EXOC4: variants seen among roughly 807,000 people sequenced by gnomAD.
EXOC4 encodes exocyst complex component 4.
EXOC4 carries 71 observed loss-of-function variants against 107.2 expected under a neutral mutation model. The ratio of observed to expected loss-of-function variants is 0.66; its 90% CI spans 0.55 to 0.81. The LOEUF is 0.81. Ranked by LOEUF, EXOC4 falls within the 30% of genes least tolerant of loss-of-function variation. The probability of loss-of-function intolerance (pLI) is 0.00; values close to 1 mark genes in which losing one functional copy is unlikely to be tolerated. For synonymous variants in EXOC4, 456 were observed against 441.2 expected (o/e 1.03, Z -0.42); for missense variants, 1,108 against 1,189.6 (o/e 0.93, Z 1.01).
chr7:134,060,230 A>G (rs924665925), intron 17 of EXOC4, among the ~76,000 whole-genome samples: 6 of 152,252 alleles, frequency 3.9e-5, no homozygotes, highest in Non-Finnish European at 8.8e-5. Flanking sequence ...GAACTGCTGC[A>G]AAAAGGCACA....
intron 10 of EXOC4, among the ~76,000 whole-genome samples, chr7:133,788,298 C>G (rs551461192): frequency 2.0e-5 from 3 of 151,914 alleles, no homozygotes; most frequent in South Asian, 4.2e-4. Flanking sequence ...CCTCTCAACT[C>G]TCAGTTCATA....
intron 12 of EXOC4, among the ~76,000 whole-genome samples, chr7:133,899,073 G>T (rs1799390668): frequency 6.7e-6 from 1 of 150,328 alleles, no homozygotes; most frequent in South Asian, 2.1e-4. Flanking sequence ...AATTTATGTT[G>T]AACCTCCATT....
the EXOC4 span, among the ~76,000 whole-genome samples, chr7:134,100,613 G>T: frequency 3.1e-5 from 4 of 130,734 alleles, 1 homozygote; most frequent in East Asian, 8.5e-4. Context: ...GAAGGTTATT[G>T]TGGCCAAGTA....
At chr7:134,005,348 G>A (rs1022227665) in intron 16 of EXOC4, among the ~76,000 whole-genome samples, 1 of 152,274 alleles carries the variant, frequency 6.6e-6, no homozygotes, top group Non-Finnish European at 1.5e-5. Flanking sequence ...CCATTCATGA[G>A]ATTTGAGAGA....
At chr7:133,882,595 T>G (rs1798989139) in intron 11 of EXOC4, among the ~76,000 whole-genome samples, 1 of 152,190 alleles carries the variant, frequency 6.6e-6, no homozygotes, top group Non-Finnish European at 1.5e-5. Flanking sequence ...CAGGAAGACC[T>G]AATCTGGTAC....
intron 10 of EXOC4, among the ~76,000 whole-genome samples, chr7:133,760,409 G>A (rs1403047105): frequency 6.6e-6 from 1 of 152,156 alleles, no homozygotes; most frequent in Non-Finnish European, 1.5e-5. Context: ...CCAACAGAAT[G>A]TCAATTCTTA....
At chr7:133,661,329 G>A (rs1025328901) in intron 10 of EXOC4, among the ~76,000 whole-genome samples, 1 of 152,130 alleles carries the variant, frequency 6.6e-6, no homozygotes, top group Non-Finnish European at 1.5e-5. Flanking sequence ...CTTACTGTGC[G>A]AGGTCATTGA....
intron 7 of EXOC4, among the ~76,000 whole-genome samples, chr7:133,428,121 T>A (rs569547215): frequency 1.3e-5 from 2 of 152,352 alleles, no homozygotes; most frequent in South Asian, 4.1e-4. Flanking sequence ...TGGATCACAC[T>A]TGACAGTGAT....
At position 133,317,277 on chromosome 7, in the gene EXOC4, C is replaced by G. The variant is rs767540275; in HGVS notation, c.657-7C>G. Reference sequence around the variant, plus strand: ...AAGTGGTAACTAGTGCTTCTTTTCCCGTTCAGCTCCCTCGTGAAAGATGCT... The same window carrying G: ...AAGTGGTAACTAGTGCTTCTTTTCCGGTTCAGCTCCCTCGTGAAAGATGCT... On this transcript the variant is annotated splice_region_variant and splice_polypyrimidine_tract_variant and intron_variant, in intron 4 of 17. Coordinates refer to ENST00000253861, the MANE Select transcript of EXOC4 (RefSeq NM_021807.4). 6.2e-7 allele frequency: 1 copy of G among 1,602,330 alleles called. No homozygotes were observed. Among genetic ancestry groups the G allele is most frequent in the Non-Finnish European group, 8.5e-7 (1 of 1,169,832 alleles).
At chr7:133,857,147 CGTATATATATATATATATATATAT>C (rs1183997974) in intron 11 of EXOC4, among the ~76,000 whole-genome samples, 9 of 19,108 alleles carry the variant, frequency 4.7e-4, no homozygotes, top group African/African-American at 1.8e-3. Flanking sequence ...TACACATACA[CGTATATATATATATATATATATAT>C]ATATATATAT....
At chr7:134,036,153 G>A (rs1294117265) in intron 17 of EXOC4, among the ~76,000 whole-genome samples, 1 of 152,156 alleles carries the variant, frequency 6.6e-6, no homozygotes, top group African/African-American at 2.4e-5. Context: ...CAAGTTGTCT[G>A]TGCTGCCCCT....
intron 9 of EXOC4, among the ~76,000 whole-genome samples, chr7:133,599,275 G>C (rs975696584): frequency 6.6e-6 from 1 of 152,176 alleles, no homozygotes; most frequent in African/African-American, 2.4e-5. Flanking sequence ...ACATGACTCT[G>C]TGTACAAATG....
At chr7:133,706,508 A>G (rs1794772161) in intron 10 of EXOC4, among the ~76,000 whole-genome samples, 1 of 152,232 alleles carries the variant, frequency 6.6e-6, no homozygotes, top group Non-Finnish European at 1.5e-5. Flanking sequence ...CCACAAATGT[A>G]ATTTTATTTC....
At chr7:133,693,052 G>C (rs943293959) in intron 10 of EXOC4, among the ~76,000 whole-genome samples, 24 of 152,160 alleles carry the variant, frequency 1.6e-4, no homozygotes, top group Non-Finnish European at 2.4e-4. Flanking sequence ...TGATAGGATA[G>C]ATGTATATAT....
chr7:133,682,229 C>A (rs961755790), intron 10 of EXOC4, among the ~76,000 whole-genome samples: 5 of 152,128 alleles, frequency 3.3e-5, no homozygotes, highest in African/African-American at 1.2e-4. Flanking sequence ...AATAGATTTA[C>A]TTGATTTTAT....
chr7:133,694,948 G>A (rs569029635), intron 10 of EXOC4, among the ~76,000 whole-genome samples: 2 of 151,932 alleles, frequency 1.3e-5, no homozygotes, highest in Non-Finnish European at 2.9e-5. Context: ...TCAGCCTCCC[G>A]AGTAGCTGGG....
intron 9 of EXOC4, among the ~76,000 whole-genome samples, chr7:133,611,444 A>G (rs1802074612): frequency 6.6e-6 from 1 of 152,118 alleles, no homozygotes; most frequent in Non-Finnish European, 1.5e-5. Flanking sequence ...ATCTTCTGAC[A>G]TTTTCATTGT....
At chr7:133,629,998 TA>T in intron 9 of EXOC4, 46 bp from the exon 10 acceptor site, 1 of 1,401,216 alleles carries the variant, frequency 7.1e-7, no homozygotes, top group Non-Finnish European at 1.0e-6. Flanking sequence ...TGTTTATTTA[TA>T]AAAGTTTCAA....
intron 9 of EXOC4, among the ~76,000 whole-genome samples, chr7:133,553,977 T>C (rs1447150002): frequency 6.6e-6 from 1 of 152,160 alleles, no homozygotes; most frequent in East Asian, 1.9e-4. Context: ...AAATTTTTAA[T>C]ACATCATATA....
Sources: allele counts gnomAD v4.1 joint callset (sites outside exome capture counted in the v4.1 genomes callset), GRCh38; gene constraint gnomAD v4.1.1; transcripts MANE v1.5; gene names NCBI Gene and HGNC (gene_info 2026-07-23, HGNC 2026-07-21).